The following NRK variants were observed in gnomAD, a reference collection of about 807,000 sequenced individuals.
NRK encodes nik-related protein kinase.
NRK carries 67 observed loss-of-function variants against 125.2 expected under a neutral mutation model. The observed-to-expected ratio is 0.54, with a 90% CI of 0.44 to 0.66. The LOEUF (loss-of-function observed/expected upper bound fraction) is 0.66. Ranked by LOEUF, NRK falls within the 30% of genes least tolerant of loss-of-function variation. The pLI is 0.00. For missense variants in NRK, 1,224 were observed against 1,192.9 expected (o/e 1.03, Z -0.38); for synonymous variants, 458 against 429.0 (o/e 1.07, Z -0.84).
chrX:105,840,167 A>G (rs1370461725), intron 2 of NRK, among the ~76,000 whole-genome samples: 2 of 111,658 alleles, frequency 1.8e-5, no homozygotes, highest in Non-Finnish European at 3.8e-5. Context: ...ATTATGTTAT[A>G]CCAAAATTTT....
chrX:105,902,962 T>C (rs1335055056), intron 9 of NRK, among the ~76,000 whole-genome samples: 1 of 111,480 alleles, frequency 9.0e-6, no homozygotes, highest in Non-Finnish European at 1.9e-5. Context: ...TGGACACTTG[T>C]AAACCAGGAA....
At chrX:105,875,379 T>A (rs904528402) in intron 2 of NRK, among the ~76,000 whole-genome samples, 2 of 111,297 alleles carry the variant, frequency 1.8e-5, no homozygotes, top group Non-Finnish European at 3.8e-5. Context: ...GGCTCCAGCC[T>A]TTTCTTTACT....
chrX:105,859,710 A>C (rs1474846785), intron 2 of NRK, among the ~76,000 whole-genome samples: 1 of 111,975 alleles, frequency 8.9e-6, no homozygotes, highest in African/African-American at 3.2e-5. Flanking sequence ...ATCCCCAGTG[A>C]GAGATGACTG....
intron 2 of NRK, among the ~76,000 whole-genome samples, chrX:105,834,450 CGT>C (rs751513572): frequency 1.0e-4 from 11 of 105,097 alleles, no homozygotes; most frequent in Non-Finnish European, 1.2e-4. Flanking sequence ...GAGGTGTGTG[CGT>C]GTGTGTGTGT....
intron 23 of NRK, 103 bp from the exon 24 acceptor site, chrX:105,943,836 CTG>C: frequency 2.2e-6 from 1 of 460,380 alleles, no homozygotes; most frequent in Middle Eastern, 6.2e-4. Flanking sequence ...AATATACTGT[CTG>C]TGCTCTTAAA....
chrX:105,897,206 G>A (rs919796511), intron 7 of NRK, among the ~76,000 whole-genome samples: 3 of 112,388 alleles, frequency 2.7e-5, no homozygotes, highest in Admixed American at 9.4e-5. Context: ...TTATTTTGAA[G>A]TAACACATTA....
intron 23 of NRK, among the ~76,000 whole-genome samples, chrX:105,941,555 AAGAGAGAGAG>A (rs771874766): frequency 4.2e-4 from 36 of 85,266 alleles, no homozygotes; most frequent in Non-Finnish European, 6.1e-4. Context: ...GAGAGACAGA[AAGAGAGAGAG>A]AGAGAGAGAG....
chrX:105,832,730 C>T (rs2039210615), intron 2 of NRK, among the ~76,000 whole-genome samples: 1 of 111,248 alleles, frequency 9.0e-6, no homozygotes, highest in Admixed American at 9.6e-5. Flanking sequence ...CTTTGCACAA[C>T]AGCTCCTATA....
chrX:105,842,256 G>T lies in NRK; in HGVS notation c.123+11137G>T, dbSNP rs1461900860. 6.3e-5 allele frequency among the ~76,000 whole-genome samples: 7 copies of T among 110,891 alleles called. No homozygotes were observed. The Admixed American group carries it at 6.7e-4, about 11-fold the overall frequency. On this transcript the variant is annotated intron_variant, in intron 2 of 28. Coordinates refer to ENST00000243300, the MANE Select transcript of NRK (RefSeq NM_198465.4). ...AGTCTAGTCTTAGGGTCTTTTTCTG[G>T]AACGTAATAGATTTCAGAAATGGAT...
At chrX:105,896,736 G>A (rs1040692995) in intron 7 of NRK, among the ~76,000 whole-genome samples, 4 of 111,021 alleles carry the variant, frequency 3.6e-5, no homozygotes, top group African/African-American at 6.6e-5. Flanking sequence ...CCAGCTACTC[G>A]AGAGGCTGAG....
chrX:105,875,683 C>T (rs2039806234), intron 2 of NRK, among the ~76,000 whole-genome samples: 1 of 109,790 alleles, frequency 9.1e-6, no homozygotes, highest in Admixed American at 9.8e-5. Context: ...AACTTGAATG[C>T]GTGGAATGAG....
chrX:105,928,894 G>A (rs1310179480), intron 19 of NRK, among the ~76,000 whole-genome samples: 2 of 111,596 alleles, frequency 1.8e-5, no homozygotes, highest in Non-Finnish European at 3.8e-5. Context: ...CTTGTTTTGT[G>A]TCCCAACATA....
chrX:105,836,554 C>G (rs1216532016), intron 2 of NRK, among the ~76,000 whole-genome samples: 1 of 111,927 alleles, frequency 8.9e-6, no homozygotes, highest in Non-Finnish European at 1.9e-5. Flanking sequence ...TGACAATACC[C>G]TCATGGAAAA....
At chrX:105,901,668 G>C (rs911190101) in intron 9 of NRK, among the ~76,000 whole-genome samples, 1 of 111,404 alleles carries the variant, frequency 9.0e-6, no homozygotes, top group African/African-American at 3.3e-5. Flanking sequence ...AAAATTCCTG[G>C]TATCCCTTGG....
chrX:105,917,354 G>T (rs996919037), intron 15 of NRK, among the ~76,000 whole-genome samples: 2 of 110,785 alleles, frequency 1.8e-5, no homozygotes, highest in Non-Finnish European at 3.8e-5. Flanking sequence ...TATACTCTAT[G>T]AAAACATATT....
In NRK at chrX:105,917,281, CTGAA is replaced by C. The variant is rs780561232; in HGVS notation, c.2418-294_2418-291del. On this transcript the variant is annotated intron_variant, in intron 15 of 28. Coordinates refer to ENST00000243300, the MANE Select transcript of NRK (RefSeq NM_198465.4). ...CTGTGTTACTCAGGTAAAATATTGTCTGAATGTTAGCTTTAAAAGCTTATAGAAA... is the reference window on the plus strand; with the variant it reads ...CTGTGTTACTCAGGTAAAATATTGTCTGTTAGCTTTAAAAGCTTATAGAAA... Among the ~76,000 whole-genome samples, 551 of 110,607 alleles carry C rather than the reference CTGAA, an allele frequency of 5.0e-3. 6 individuals carry two copies. The highest frequency in any genetic ancestry group is 0.017 in the African/African-American group (523 of 30,606).
chrX:105,915,794 C>T lies in NRK; in HGVS notation c.2414C>T (p.Ser805Leu). ...QDHAHHVKFS[S>L]SVPQRSLLEQ... ...CATGCACATCATGTCAAGTTCTCTT[C>T]AAGGTATGTGTCTTTGATTTCTATA... Residue 805 changes from serine to leucine, a missense_variant, in exon 15 of 29, where the codon TCA becomes TTA. Physicochemically the swap from Ser to Leu is moderately radical, Grantham distance 145 (BLOSUM62 -2). Coordinates refer to ENST00000243300, the MANE Select transcript of NRK (RefSeq NM_198465.4). 9.4e-7 allele frequency: 1 copy of T among 1,063,166 alleles called. No homozygotes were observed. Among genetic ancestry groups the T allele is most frequent in the Non-Finnish European group, 1.3e-6 (1 of 764,693 alleles). 87.6% of individuals were successfully genotyped at this position (1,063,166 alleles called of 1,213,427 possible). A position where few individuals can be genotyped will look rare whatever the true frequency, so the allele number is the denominator to read the frequency against.
intron 4 of NRK, among the ~76,000 whole-genome samples, chrX:105,883,085 T>TG (rs1229411359): frequency 8.9e-6 from 1 of 112,156 alleles, no homozygotes; most frequent in Non-Finnish European, 1.9e-5. Flanking sequence ...AGCCAGGAAA[T>TG]GCTGTAGCAT....
chrX:105,928,622 A>G (rs1323865445), intron 19 of NRK, among the ~76,000 whole-genome samples: 1 of 110,881 alleles, frequency 9.0e-6, no homozygotes, highest in Non-Finnish European at 1.9e-5. Context: ...GTAGTCATTT[A>G]TTGCTATAAA....
Sources: allele counts gnomAD v4.1 joint callset (sites outside exome capture counted in the v4.1 genomes callset), GRCh38; gene constraint gnomAD v4.1.1; transcripts MANE v1.5; gene names NCBI Gene and HGNC (gene_info 2026-07-23, HGNC 2026-07-21).